The following RXFP1 variants were observed in gnomAD, a reference collection of about 807,000 sequenced individuals.
The protein encoded by RXFP1 is relaxin receptor 1.
A neutral mutation model predicts 89.8 loss-of-function variants in RXFP1; 73 were observed. That is an observed-to-expected ratio of 0.81 (90% CI 0.67 to 0.99). RXFP1 has a LOEUF of 0.99. Among genes scored for constraint, RXFP1 ranks in the 50% least tolerant of loss-of-function variants. The pLI is 0.00. For missense variants in RXFP1, 793 were observed against 895.5 expected, an observed-to-expected ratio of 0.89 and a Z score of 1.46; for synonymous variants, 277 against 305.5, an observed-to-expected ratio of 0.91 and a Z score of 0.97.
intron 6 of RXFP1, among the ~76,000 whole-genome samples, chr4:158,609,620 G>A (rs751850186): frequency 6.6e-6 from 1 of 152,124 alleles, no homozygotes; most frequent in Non-Finnish European, 1.5e-5. Flanking sequence ...TCAGAGTTTG[G>A]GATTGAGTCG....
chr4:158,544,690 A>G (rs1173060943), intron 1 of RXFP1, among the ~76,000 whole-genome samples: 4 of 151,688 alleles, frequency 2.6e-5, no homozygotes, highest in Non-Finnish European at 5.9e-5. Context: ...GAGTGAGAAC[A>G]TGAGGTGTTT....
At chr4:158,598,839 A>G (rs1013578635) in intron 3 of RXFP1, among the ~76,000 whole-genome samples, 8 of 152,038 alleles carry the variant, frequency 5.3e-5, no homozygotes, top group Non-Finnish European at 1.2e-4. Context: ...AAAAAACTAT[A>G]GACACTATCA....
chr4:158,568,101 C>T (rs1754092486), intron 1 of RXFP1, among the ~76,000 whole-genome samples: 2 of 152,196 alleles, frequency 1.3e-5, no homozygotes, highest in Admixed American at 1.3e-4. Flanking sequence ...ATACTCACCA[C>T]AAAGGCCTTC....
chr4:158,538,974 G>A (rs1745944496), intron 1 of RXFP1, among the ~76,000 whole-genome samples: 1 of 152,130 alleles, frequency 6.6e-6, no homozygotes, highest in African/African-American at 2.4e-5. Flanking sequence ...GTGAGCAAGG[G>A]CCATTCAAAA....
chr4:158,540,103 C>G (rs1022187429), intron 1 of RXFP1, among the ~76,000 whole-genome samples: 4 of 152,084 alleles, frequency 2.6e-5, no homozygotes, highest in Admixed American at 2.6e-4. Context: ...GATCTAGACC[C>G]CAATATAGGG....
At chr4:158,621,236 T>C (rs1765575247) in intron 9 of RXFP1, among the ~76,000 whole-genome samples, 1 of 152,024 alleles carries the variant, frequency 6.6e-6, no homozygotes, top group African/African-American at 2.4e-5. Context: ...AGCGTGAGCC[T>C]GAGAGATCAA....
intron 1 of RXFP1, among the ~76,000 whole-genome samples, chr4:158,568,592 T>C (rs1364850889): frequency 6.6e-6 from 1 of 152,264 alleles, no homozygotes; most frequent in African/African-American, 2.4e-5. Context: ...CGTGATGTTC[T>C]GCCAGTGATG....
chr4:158,549,288 G>T (rs1749438977), intron 1 of RXFP1, among the ~76,000 whole-genome samples: 1 of 152,126 alleles, frequency 6.6e-6, no homozygotes, highest in African/African-American at 2.4e-5. Context: ...TCGAGCCTTG[G>T]CTTTCAGCTC....
chr4:158,634,015 T>C (rs1310416193), intron 12 of RXFP1, among the ~76,000 whole-genome samples: 1 of 152,242 alleles, frequency 6.6e-6, no homozygotes, highest in African/African-American at 2.4e-5. Flanking sequence ...TTGACTCTGC[T>C]TTCAATTTTT....
At chr4:158,526,831 G>T (rs1248945569) in intron 1 of RXFP1, among the ~76,000 whole-genome samples, 1 of 151,924 alleles carries the variant, frequency 6.6e-6, no homozygotes, top group East Asian at 1.9e-4. Flanking sequence ...GGTACTCTTG[G>T]GACTTTTCAC....
At chr4:158,555,814 G>A (rs889993159) in intron 1 of RXFP1, among the ~76,000 whole-genome samples, 1 of 152,130 alleles carries the variant, frequency 6.6e-6, no homozygotes, top group African/African-American at 2.4e-5. Context: ...AAGGTGCCAA[G>A]ACCACACATT....
chr4:158,615,923 G>C (rs1349155617), intron 8 of RXFP1, among the ~76,000 whole-genome samples: 1 of 152,092 alleles, frequency 6.6e-6, no homozygotes, highest in Non-Finnish European at 1.5e-5. Context: ...CTGCACTTCA[G>C]CCTGGACAAC....
At chr4:158,527,565 AT>A (rs1483983350) in intron 1 of RXFP1, among the ~76,000 whole-genome samples, 2 of 3,122 alleles carry the variant, frequency 6.4e-4, no homozygotes, top group African/African-American at 7.0e-4. Flanking sequence ...AAAAAAAAAA[AT>A]ATATATATAT....
intron 4 of RXFP1, among the ~76,000 whole-genome samples, chr4:158,602,739 A>C (rs2150101956): frequency 6.6e-6 from 1 of 152,216 alleles, no homozygotes; most frequent in East Asian, 1.9e-4. Flanking sequence ...TTTTTGAGAT[A>C]ATGAATGAAT....
intron 1 of RXFP1, among the ~76,000 whole-genome samples, chr4:158,539,420 C>T (rs1218974650): frequency 3.3e-5 from 5 of 151,706 alleles, no homozygotes; most frequent in Non-Finnish European, 5.9e-5. Context: ...ACATGGCACA[C>T]TTATACATAT....
rs142912770 is a variant in RXFP1, at chr4:158,606,650, C to A, written c.465-1322C>A. On this transcript the variant is annotated intron_variant, in intron 5 of 17. Transcript: ENST00000307765. ...TCATGCTGGAGTGCAGTAGTATGAT[C>A]ATAGTTCATTGCACCCTCAAACTCC... Among the ~76,000 whole-genome samples the A allele has an allele frequency of 2.6e-5, 4 of 152,146 alleles. No individual in the cohort carries two copies. The East Asian group carries it at 5.8e-4, about 22-fold the overall frequency.
At chr4:158,623,519 A>AAAAAAAAAAAAAAAAAAAAAAAAAAAT (rs1766079827) in intron 9 of RXFP1, among the ~76,000 whole-genome samples, 1 of 150,002 alleles carries the variant, frequency 6.7e-6, no homozygotes, top group Non-Finnish European at 1.5e-5. Flanking sequence ...AAAAAAAAAA[A>AAAAAAAAAAAAAAAAAAAAAAAAAAAT]AAAAAAAGAT....
chr4:158,612,033 T>C (rs1362907712), intron 6 of RXFP1, 97 bp from the exon 7 acceptor site: 2 of 925,336 alleles, frequency 2.2e-6, no homozygotes, highest in Admixed American at 2.4e-5. Context: ...GAGAATGCTA[T>C]GTAAAAAATT....
chr4:158,547,365 T>A (rs935754932), intron 1 of RXFP1, among the ~76,000 whole-genome samples: 2 of 152,096 alleles, frequency 1.3e-5, no homozygotes, highest in Non-Finnish European at 2.9e-5. Flanking sequence ...TCTTGCTAGC[T>A]GTCTATCAAT....
Sources: gnomAD v4.1 joint callset for allele counts (sites outside exome capture counted in the v4.1 genomes callset) on GRCh38, gnomAD v4.1.1 for gene constraint, MANE v1.5 for transcripts, NCBI Gene and HGNC (gene_info 2026-07-23, HGNC 2026-07-21) for gene names.